Variants in RUNDC3B observed in about 807,000 individuals in gnomAD.
RUNDC3B encodes RUN domain containing 3B.
In RUNDC3B, 33 loss-of-function variants were observed where a neutral mutation model predicts 58.4. The observed-to-expected ratio is 0.56, with a 90% CI of 0.43 to 0.75. The LOEUF is 0.75. Ranked by LOEUF, RUNDC3B falls within the 30% of genes least tolerant of loss-of-function variation. The pLI is 0.00. For synonymous variants in RUNDC3B, 193 were observed against 195.2 expected, an observed-to-expected ratio of 0.99 and a Z score of 0.10; for missense variants, 501 against 535.7, an observed-to-expected ratio of 0.94 and a Z score of 0.64.
intron 8 of RUNDC3B, among the ~76,000 whole-genome samples, chr7:87,778,853 ATTAATATTTAATC>A (rs1834788315): frequency 6.6e-6 from 1 of 152,148 alleles, no homozygotes; most frequent in Non-Finnish European, 1.5e-5. Flanking sequence ...ATTTTCACAT[ATTAATATTTAATC>A]TTAAAAAAAT....
intron 1 of RUNDC3B, among the ~76,000 whole-genome samples, chr7:87,642,424 T>C: frequency 6.6e-6 from 1 of 152,088 alleles, no homozygotes; most frequent in East Asian, 1.9e-4. Context: ...TATTTTCATT[T>C]GTTCTTGGAT....
intron 2 of RUNDC3B, among the ~76,000 whole-genome samples, chr7:87,689,431 T>C (rs947858955): frequency 2.0e-5 from 3 of 152,176 alleles, no homozygotes; most frequent in African/African-American, 7.2e-5. Flanking sequence ...TTATTTTTAA[T>C]CTTGGAAAAT....
chr7:87,685,768 T>C (rs1827396887), intron 2 of RUNDC3B, among the ~76,000 whole-genome samples: 1 of 152,184 alleles, frequency 6.6e-6, no homozygotes, highest in Non-Finnish European at 1.5e-5. Context: ...CATGACTCCC[T>C]CTATTTTTCA....
intron 2 of RUNDC3B, among the ~76,000 whole-genome samples, chr7:87,656,328 A>G (rs528790784): frequency 6.6e-6 from 1 of 152,202 alleles, no homozygotes; most frequent in East Asian, 1.9e-4. Flanking sequence ...AAGAAGAAAG[A>G]AGAGACTAAC....
At chr7:87,766,565 A>G in intron 6 of RUNDC3B, among the ~76,000 whole-genome samples, 1 of 152,124 alleles carries the variant, frequency 6.6e-6, no homozygotes. Flanking sequence ...GGCTGAAAAA[A>G]GACCCCCAGT....
intron 2 of RUNDC3B, among the ~76,000 whole-genome samples, chr7:87,678,438 T>C (rs889673388): frequency 1.3e-5 from 2 of 152,100 alleles, no homozygotes; most frequent in Non-Finnish European, 2.9e-5. Context: ...TTCTATTTCA[T>C]AAAGTAGTGA....
At chr7:87,677,398 C>G (rs775552797) in intron 2 of RUNDC3B, among the ~76,000 whole-genome samples, 1 of 147,128 alleles carries the variant, frequency 6.8e-6, no homozygotes, top group Non-Finnish European at 1.5e-5. Flanking sequence ...GGTCAATAAA[C>G]TACATGAAAT....
intron 6 of RUNDC3B, among the ~76,000 whole-genome samples, chr7:87,748,184 C>G (rs953811302): frequency 5.5e-4 from 84 of 152,306 alleles, no homozygotes; most frequent in African/African-American, 1.8e-3. Context: ...CTGTATTTTG[C>G]TCGGCTCTCC....
intron 9 of RUNDC3B, among the ~76,000 whole-genome samples, chr7:87,814,101 C>CTT (rs528299203): frequency 1.2e-4 from 17 of 138,692 alleles, no homozygotes; most frequent in East Asian, 4.1e-4. Context: ...TCTTTCTTTC[C>CTT]TTTTTTTTTT....
In RUNDC3B at chr7:87,639,934, T is replaced by C. The variant is rs192086657; in HGVS notation, c.123-10888T>C. Among the ~76,000 whole-genome samples, 26 of 151,826 alleles carry C rather than the reference T, an allele frequency of 1.7e-4. No homozygotes were observed. In the East Asian group the frequency reaches 3.9e-3, roughly 23 times the overall value. ...GCTATCTTACTGTTCATTGTATGTT[T>C]GCTTTTTTCTCTTTTCTTGCCTTCT... On this transcript the variant is annotated intron_variant, in intron 1 of 10. Transcript: ENST00000394654.
chr7:87,777,906 C>T lies in RUNDC3B; in HGVS notation c.907C>T (p.Leu303=), dbSNP rs993803620. Residue 303 remains leucine, a synonymous_variant, in exon 8 of 11, where the codon CTG becomes TTG. Transcript: ENST00000394654. ...RIEDSDLAHK[L]EKEQLEYIIV... ...TGAAGATTCCGATCTGGCTCATAAA[C>T]TGGAGAAGGAACAATTAGAATATAT... The T allele has an allele frequency of 1.2e-6, 2 of 1,613,562 alleles. No homozygotes were observed. Among genetic ancestry groups the T allele is most frequent in the Non-Finnish European group, 8.5e-7 (1 of 1,179,696 alleles).
intron 2 of RUNDC3B, among the ~76,000 whole-genome samples, chr7:87,673,390 A>G (rs753313419): frequency 6.6e-6 from 1 of 152,084 alleles, no homozygotes; most frequent in Non-Finnish European, 1.5e-5. Flanking sequence ...ACATAATCCC[A>G]TATTTCTCAG....
chr7:87,662,853 T>C (rs1440108665), intron 2 of RUNDC3B, among the ~76,000 whole-genome samples: 3 of 152,162 alleles, frequency 2.0e-5, no homozygotes, highest in Non-Finnish European at 4.4e-5. Flanking sequence ...AGTATGGGCA[T>C]TTTAACAATA....
intron 3 of RUNDC3B, among the ~76,000 whole-genome samples, chr7:87,701,880 A>G (rs1328625341): frequency 6.6e-6 from 1 of 152,138 alleles, no homozygotes; most frequent in Non-Finnish European, 1.5e-5. Flanking sequence ...GCGGTGGCTC[A>G]CGCCTGTAAT....
chr7:87,783,557 G>C (rs1044950049), intron 8 of RUNDC3B, among the ~76,000 whole-genome samples: 10 of 152,064 alleles, frequency 6.6e-5, no homozygotes, highest in African/African-American at 2.4e-4. Flanking sequence ...CTGTTAGCTG[G>C]TTGCTTTGTA....
intron 8 of RUNDC3B, among the ~76,000 whole-genome samples, chr7:87,797,103 CAG>C (rs1835862504): frequency 2.0e-5 from 3 of 152,042 alleles, no homozygotes; most frequent in South Asian, 4.2e-4. Context: ...AATTTTGTGA[CAG>C]TAACGGAAAA....
At chr7:87,635,757 C>T (rs1411137926) in intron 1 of RUNDC3B, among the ~76,000 whole-genome samples, 1 of 152,170 alleles carries the variant, frequency 6.6e-6, no homozygotes, top group African/African-American at 2.4e-5. Flanking sequence ...TCAAGACCTC[C>T]TCCTTGCTTT....
chr7:87,718,072 A>C (rs10252226), intron 4 of RUNDC3B, among the ~76,000 whole-genome samples: 7,450 of 152,210 alleles, frequency 0.049, 276 homozygotes, highest in East Asian at 0.091. Flanking sequence ...TTCTGGTTTG[A>C]TGATTTGCTA....
chr7:87,723,491 A>G (rs1831026270), intron 4 of RUNDC3B, among the ~76,000 whole-genome samples: 1 of 152,198 alleles, frequency 6.6e-6, no homozygotes, highest in Non-Finnish European at 1.5e-5. Context: ...GAAATGTCCA[A>G]TGCAATGCAA....
Sources: allele counts gnomAD v4.1 joint callset (sites outside exome capture counted in the v4.1 genomes callset), GRCh38; gene constraint gnomAD v4.1.1; transcripts MANE v1.5; gene names NCBI Gene and HGNC (gene_info 2026-07-23, HGNC 2026-07-21).